KRT31: variants seen among roughly 807,000 people sequenced by gnomAD.
KRT31 encodes keratin, type I cuticular Ha1.
Under a neutral mutation model 40.8 loss-of-function variants are expected in KRT31, and 27 were observed. The observed-to-expected ratio is 0.66, with a 90% confidence interval of 0.49 to 0.91. The LOEUF (loss-of-function observed/expected upper bound fraction) is 0.91. Ranked by LOEUF, KRT31 falls within the 40% of genes least tolerant of loss-of-function variation. The probability of loss-of-function intolerance (pLI) is 0.00; values close to 1 mark genes in which losing one functional copy is unlikely to be tolerated. For missense variants in KRT31, 510 were observed against 544.1 expected (o/e 0.94, Z 0.62); for synonymous variants, 231 against 231.9 (o/e 1.00, Z 0.03).
chr17:41,397,192 C>T lies in KRT31; in HGVS notation c.348G>A (p.Lys116=). ...TGGAGATGACAGCAATGCCGCTCAC[C>T]TTCTGCTGGAGCTCCTCAATGGTCT... The part of the protein sequence containing the change: ...YFKTIEELQQ[K]ILCTKSENAR... Residue 116 remains lysine (K), a splice_region_variant and synonymous_variant, in exon 1 of 7, where the codon AAG becomes AAA. Transcript: ENST00000251645. 1 of 1,613,396 alleles carries T rather than the reference C, an allele frequency of 6.2e-7. No homozygotes were observed. Among genetic ancestry groups the T allele is most frequent in the Non-Finnish European group, 8.5e-7 (1 of 1,179,384 alleles).
At position 41,394,115 on chromosome 17, in the gene KRT31, G is replaced by T. The variant is rs746494988; in HGVS notation, c.1152C>A (p.Pro384=). 1.2e-6 allele frequency: 2 copies of T among 1,612,854 alleles called. No homozygotes were observed. The highest frequency in any genetic ancestry group is 8.5e-7 in the Non-Finnish European group (1 of 1,179,470). Residue 384 remains proline (P), a synonymous_variant, in exon 7 of 7, where the codon CCC becomes CCA. Coordinates refer to ENST00000251645, the MANE Select transcript of KRT31 (RefSeq NM_002277.3). The part of the protein sequence containing the change: ...TTNACSKPIG[P]CLSNPCTSCV... ...AAGAGGTACAGGGATTGGAGAGACA[G>T]GGTCCGATGGGCTTGCTGCACGCGT...
rs541866426 is a variant in KRT31, at chr17:41,394,730, G to A, written c.1097+118C>T. The A allele has an allele frequency of 5.3e-6, 8 of 1,519,738 alleles. No homozygotes were observed. The African/African-American group carries it at 1.1e-4, about 21-fold the overall frequency. 94.1% of individuals were successfully genotyped at this position (1,519,738 alleles called of 1,614,324 possible). ...ATATTATGTTGTCTGAGTTCTGTTTGAGCATGTCTAGTGTGAAGGCATAAT... is the reference window on the plus strand; with the variant it reads ...ATATTATGTTGTCTGAGTTCTGTTTAAGCATGTCTAGTGTGAAGGCATAAT... On this transcript the variant is annotated intron_variant, in intron 6 of 6. Transcript: ENST00000251645.
Position 41,393,971 on chromosome 17 carries a change from G to A in KRT31, c.*45C>T, listed in dbSNP as rs746268146. On this transcript the variant is annotated 3_prime_UTR_variant, in exon 7 of 7. Transcript: ENST00000251645. ...GAACCAGAGCCAGGTCACAGCTCTG[G>A]AGTCCTGGGCCCTGCATCCTTGCTC... 2 of 1,592,298 alleles carry A rather than the reference G, an allele frequency of 1.3e-6. No homozygotes were observed. The highest frequency in any genetic ancestry group is 2.3e-5 in the East Asian group (1 of 44,426).
chr17:41,394,694 A>T, intron 6 of KRT31, 154 bp downstream of exon 6: 1 of 1,377,254 alleles, frequency 7.3e-7, no homozygotes. Context: ...TTTATGTTTT[A>T]AATGATGGCC....
At position 41,396,491 on chromosome 17, in the gene KRT31, T is replaced by C. The variant is rs2018228454; in HGVS notation, c.517A>G (p.Lys173Glu). 1 of 1,614,088 alleles carries C rather than the reference T, an allele frequency of 6.2e-7. No individual in the cohort carries two copies. The highest frequency in any genetic ancestry group is 1.3e-5 in the African/African-American group (1 of 74,932). ...RRILDELTLC[K>E]SDLEAQVESL... ...TCCACCTGGGCCTCCAGGTCGGACT[T>C]GCACAGGGTCAGCTCATCCAGGATC... The change falls in exon 3 of 7, where the codon AAG (lysine) becomes GAG (glutamate). Residue 173 changes from lysine to glutamate, a missense_variant. By Grantham distance (56) the Lys-to-Glu change is moderately conservative (BLOSUM62 1). Coordinates refer to ENST00000251645, the MANE Select transcript of KRT31 (RefSeq NM_002277.3).
rs267604865 is a variant in KRT31 at position 41,396,463 on chromosome 17, G to A, written c.545C>T (p.Ser182Phe). 1 of 1,614,172 alleles carries A rather than the reference G, an allele frequency of 6.2e-7. No individual in the cohort carries two copies. The highest frequency in any genetic ancestry group is 1.1e-5 in the South Asian group (1 of 91,080). Residue 182 changes from serine (S) to phenylalanine (F), a missense_variant, in exon 3 of 7, where the codon TCC becomes TTC. Transcript: ENST00000251645. ...GAGGCAGAGCAGCTCCTCCTTCAGG[G>A]ACTCCACCTGGGCCTCCAGGTCGGA... The part of the protein sequence containing the change: ...CKSDLEAQVE[S>F]LKEELLCLKS...
At position 41,395,346 on chromosome 17, in the gene KRT31, C is replaced by T. The variant is rs2018205493; in HGVS notation, c.775G>A (p.Val259Ile). ...GACTGCAGCTGCTCTGAGCTGGATA[C>T]CACCTGCTTGTTCAGCTCCTCGGTC... ...TQTEELNKQV[V>I]SSSEQLQSYQ... Residue 259 changes from valine to isoleucine, a missense_variant, in exon 5 of 7, where the codon GTA (valine) becomes ATA (isoleucine). Transcript: ENST00000251645. 6.2e-7 allele frequency: 1 copy of T among 1,614,044 alleles called. No homozygotes were observed. The highest frequency in any genetic ancestry group is 2.2e-5 in the East Asian group (1 of 44,880).
chr17:41,394,536 T>C (rs1433323874), intron 6 of KRT31, among the ~76,000 whole-genome samples: 2 of 152,204 alleles, frequency 1.3e-5, no homozygotes, highest in African/African-American at 4.8e-5. Context: ...AGGTAGCCTA[T>C]GGGAATGTAC....
chr17:41,395,798 T>A (rs2018216677), intron 3 of KRT31, among the ~76,000 whole-genome samples, 175 bp from the exon 4 acceptor site: 1 of 152,226 alleles, frequency 6.6e-6, no homozygotes, highest in African/African-American at 2.4e-5. Flanking sequence ...CACCATCTGC[T>A]GTGCCATGGC....
At position 41,394,011 on chromosome 17, in the gene KRT31, A is replaced by C; in HGVS notation, c.*5T>G. 6.2e-7 allele frequency: 1 copy of C among 1,612,562 alleles called. No homozygotes were observed. Among genetic ancestry groups the C allele is most frequent in the Non-Finnish European group, 8.5e-7 (1 of 1,179,602 alleles). On this transcript the variant is annotated 3_prime_UTR_variant, in exon 7 of 7. Coordinates refer to ENST00000251645, the MANE Select transcript of KRT31 (RefSeq NM_002277.3). The stretch of plus-strand genomic sequence containing the variant: ...CATCCTTGCTCCTCTGGCATTCCCT[A>C]GGTTCTAGCGCACGAAGGAATTGCA...
Position 41,396,549 on chromosome 17 carries a change from C to G in KRT31, c.459G>C (p.Gln153His). 6.2e-7 allele frequency: 1 copy of G among 1,614,174 alleles called. No individual in the cohort carries two copies. Among genetic ancestry groups the G allele is most frequent in the Non-Finnish European group, 8.5e-7 (1 of 1,180,000 alleles). Residue 153 changes from glutamine to histidine, a missense_variant, in exon 3 of 7, where the codon CAG (glutamine) becomes CAC (histidine). Coordinates refer to ENST00000251645, the MANE Select transcript of KRT31 (RefSeq NM_002277.3). ...TKYQTELSLR[Q>H]LVESDINGLR... ...GACCGTTGATGTCCGACTCCACCAG[C>G]TGCCGCAGGGACAGCTCGGTCTGGT... is the stretch of plus-strand genomic sequence containing the variant.
In KRT31 at chr17:41,397,308, C is replaced by T. The variant is rs2018248011; in HGVS notation, c.232G>A (p.Glu78Lys). Residue 78 changes from glutamate (E) to lysine (K), a missense_variant, in exon 1 of 7, where the codon GAG (glutamate) becomes AAG (lysine). Coordinates refer to ENST00000251645, the MANE Select transcript of KRT31 (RefSeq NM_002277.3). ...TTCTCCAGCTCCGCGTTGTCCCGCT[C>T]CAGCTGACGCACTTTCTCCAGGTAG... ...ASYLEKVRQL[E>K]RDNAELENLI... 6.2e-7 allele frequency: 1 copy of T among 1,614,168 alleles called. No individual in the cohort carries two copies. The highest frequency in any genetic ancestry group is 8.5e-7 in the Non-Finnish European group (1 of 1,180,044).
intron 1 of KRT31, 85 bp downstream of exon 1, chr17:41,397,107 G>A: frequency 1.3e-6 from 2 of 1,577,670 alleles, no homozygotes; most frequent in Admixed American, 1.7e-5. Flanking sequence ...AATTATGACA[G>A]CACAGAAGCA....
At position 41,394,012 on chromosome 17, in the gene KRT31, G is replaced by T; in HGVS notation, c.*4C>A. 6.2e-7 allele frequency: 1 copy of T among 1,612,766 alleles called. No homozygotes were observed. The highest frequency in any genetic ancestry group is 1.1e-5 in the South Asian group (1 of 91,038). ...ATCCTTGCTCCTCTGGCATTCCCTA[G>T]GTTCTAGCGCACGAAGGAATTGCAG... On this transcript the variant is annotated 3_prime_UTR_variant, in exon 7 of 7. Transcript: ENST00000251645.
Position 41,396,984 on chromosome 17 carries a change from G to T in KRT31, c.360C>A (p.Thr120=). The T allele has an allele frequency of 6.2e-7, 1 of 1,613,814 alleles. No individual in the cohort carries two copies. The part of the protein sequence containing the change: ...IEELQQKILC[T]KSENARLVVQ... ...CCACAAGCCTGGCATTCTCAGACTT[G>T]GTACACAGGATCTGGGGAGTGAGAG... Residue 120 remains threonine, a synonymous_variant, in exon 2 of 7, where the codon ACC becomes ACA. Coordinates refer to ENST00000251645, the MANE Select transcript of KRT31 (RefSeq NM_002277.3).
rs774990212 is a variant in KRT31 at position 41,394,049 on chromosome 17, G to A, written c.1218C>T (p.Pro406=). 1.2e-5 allele frequency: 19 copies of A among 1,613,466 alleles called. No individual in the cohort carries two copies. In the South Asian group the frequency reaches 1.6e-4, roughly 14 times the overall value. The change falls in exon 7 of 7, where the codon CCC becomes CCT. Residue 406 remains proline (P), a synonymous_variant. Transcript: ENST00000251645. ...CGAAGGAATTGCAGGGCCCACAGCG[G>A]GGGCGTGGGGCACAGGGTGTGCAGG... is the stretch of plus-strand genomic sequence containing the variant. ...PAPCTPCAPR[P]RCGPCNSFVR
At position 41,394,146 on chromosome 17, in the gene KRT31, G is replaced by C. The variant is rs111342287; in HGVS notation, c.1121C>G (p.Thr374Arg). Residue 374 changes from threonine to arginine, a missense_variant, in exon 7 of 7, where the codon ACG (threonine) becomes AGG (arginine). By Grantham distance (71) the Thr-to-Arg change is moderately conservative. Transcript: ENST00000251645. The part of the protein sequence containing the change: ...DCNLPSNPCA[T>R]TNACSKPIGP... ...GATGGGCTTGCTGCACGCGTTGGTC[G>C]TGGCACAGGGATTGCTGGGCAGACT... 6.2e-7 allele frequency: 1 copy of C among 1,611,756 alleles called. No homozygotes were observed. The highest frequency in any genetic ancestry group is 1.1e-5 in the South Asian group (1 of 90,720).
chr17:41,397,128 T>G, intron 1 of KRT31, 64 bp downstream of exon 1: 1 of 1,591,340 alleles, frequency 6.3e-7, no homozygotes, highest in Non-Finnish European at 8.6e-7. Flanking sequence ...AGAAACACAC[T>G]TCTCTATCAC....
intron 3 of KRT31, among the ~76,000 whole-genome samples, 163 bp from the exon 4 acceptor site, chr17:41,395,786 C>A (rs1052445315): frequency 6.6e-6 from 1 of 152,178 alleles, no homozygotes; most frequent in Non-Finnish European, 1.5e-5. Flanking sequence ...TAGCCCCCTC[C>A]CCACCATCTG....
Sources: gnomAD v4.1 joint callset for allele counts (sites outside exome capture counted in the v4.1 genomes callset) on GRCh38, gnomAD v4.1.1 for gene constraint, MANE v1.5 for transcripts, NCBI Gene and HGNC (gene_info 2026-07-23, HGNC 2026-07-21) for gene names.